XKR3: variants seen among roughly 807,000 people sequenced by gnomAD.
The protein encoded by XKR3 is XK-related protein 3.
In XKR3, 27 loss-of-function variants were observed where a neutral mutation model predicts 40.3. The observed-to-expected ratio is 0.67, with a 90% CI of 0.49 to 0.92. The LOEUF is 0.92. Among genes scored for constraint, XKR3 ranks in the 40% least tolerant of loss-of-function variants. The probability of loss-of-function intolerance (pLI) is 0.00; values close to 1 mark genes in which losing one functional copy is unlikely to be tolerated. For missense variants in XKR3, 472 were observed against 537.6 expected, an observed-to-expected ratio of 0.88 and a Z score of 1.21; for synonymous variants, 193 against 195.4, an observed-to-expected ratio of 0.99 and a Z score of 0.10.
At chr22:16,803,652 A>C (rs1474561046) in intron 2 of XKR3, among the ~76,000 whole-genome samples, 2 of 152,192 alleles carry the variant, frequency 1.3e-5, no homozygotes, top group Non-Finnish European at 2.9e-5. Flanking sequence ...AAATGCACGA[A>C]AACCAAAATG....
chr22:16,813,426 A>G (rs2060221236), intron 1 of XKR3, among the ~76,000 whole-genome samples: 1 of 152,204 alleles, frequency 6.6e-6, no homozygotes, highest in Admixed American at 6.5e-5. Flanking sequence ...CGAGATTTCT[A>G]TAACTGGCTT....
At chr22:16,798,436 A>G (rs1248061040) in intron 3 of XKR3, among the ~76,000 whole-genome samples, 1 of 152,214 alleles carries the variant, frequency 6.6e-6, no homozygotes, top group East Asian at 1.9e-4. Flanking sequence ...AATTTAATAC[A>G]GAGCTACCAT....
At chr22:16,789,913 A>G (rs2060106886) in intron 3 of XKR3, among the ~76,000 whole-genome samples, 1 of 152,190 alleles carries the variant, frequency 6.6e-6, no homozygotes, top group African/African-American at 2.4e-5. Context: ...TGGGAAAACA[A>G]GAGAGCTACA....
intron 3 of XKR3, among the ~76,000 whole-genome samples, chr22:16,785,179 T>C (rs1457044445): frequency 1.3e-5 from 2 of 152,024 alleles, no homozygotes; most frequent in African/African-American, 4.8e-5. Context: ...TAGCCGGGCG[T>C]AGTGGTGGGA....
At chr22:16,792,183 T>G (rs1424501994) in intron 3 of XKR3, among the ~76,000 whole-genome samples, 2 of 152,192 alleles carry the variant, frequency 1.3e-5, no homozygotes, top group Non-Finnish European at 2.9e-5. Flanking sequence ...TAACCTCATG[T>G]GATCCACCCA....
intron 1 of XKR3, among the ~76,000 whole-genome samples, chr22:16,824,345 A>G (rs1012990173): frequency 6.6e-6 from 1 of 152,192 alleles, no homozygotes; most frequent in Non-Finnish European, 1.5e-5. Context: ...CATTAGGGAT[A>G]AAATTTTAAG....
At chr22:16,799,632 A>C in intron 3 of XKR3, 139 bp downstream of exon 3, 1 of 986,300 alleles carries the variant, frequency 1.0e-6, no homozygotes, top group Non-Finnish European at 1.5e-6. Flanking sequence ...TAATCAAATA[A>C]ATTCATAGAA....
At chr22:16,797,336 C>G (rs2060145546) in intron 3 of XKR3, among the ~76,000 whole-genome samples, 1 of 152,082 alleles carries the variant, frequency 6.6e-6, no homozygotes, top group East Asian at 1.9e-4. Flanking sequence ...CCTAATTAAA[C>G]TAAAGGTTTT....
chr22:16,784,338 T>C lies in XKR3; in HGVS notation c.661A>G (p.Ile221Val). The C allele has an allele frequency of 1.2e-6, 2 of 1,614,142 alleles. No homozygotes were observed. The highest frequency in any genetic ancestry group is 1.1e-5 in the South Asian group (1 of 91,062). ...AIRCNILAIQ[I>V]SNDDTTIKLP... ...TTAATGGTAGTATCATCATTGCTGA[T>C]CTGGATGGCCAGTATATTGCAGCGA... Residue 221 changes from isoleucine to valine, a missense_variant, in exon 4 of 4, where the codon ATC becomes GTC. Ile to Val is a conservative substitution (Grantham distance 29, BLOSUM62 3). Coordinates refer to ENST00000684488, the MANE Select transcript of XKR3 (RefSeq NM_001386955.1).
chr22:16,823,416 CTGAT>C (rs772630511), intron 1 of XKR3, among the ~76,000 whole-genome samples: 2 of 152,146 alleles, frequency 1.3e-5, no homozygotes, highest in East Asian at 3.9e-4. Context: ...ACAGGACTCA[CTGAT>C]TAAGAGTATT....
chr22:16,811,777 G>A (rs1282637100), intron 1 of XKR3, among the ~76,000 whole-genome samples: 1 of 152,150 alleles, frequency 6.6e-6, no homozygotes, highest in African/African-American at 2.4e-5. Context: ...AGGAGGCTGA[G>A]GCAGCAGGAT....
At chr22:16,824,797 A>G (rs543523213) in intron 1 of XKR3, among the ~76,000 whole-genome samples, 2 of 152,280 alleles carry the variant, frequency 1.3e-5, no homozygotes, top group East Asian at 3.9e-4. Context: ...TTTCTGGAAA[A>G]CACTTATGAA....
In XKR3 at chr22:16,783,587, C is replaced by T; in HGVS notation, c.*32G>A. On this transcript the variant is annotated 3_prime_UTR_variant, in exon 4 of 4. Coordinates refer to ENST00000684488, the MANE Select transcript of XKR3 (RefSeq NM_001386955.1). ...TAACAAGTCACATTCAGCATCTTTA[C>T]TCATTGTTCTGTGAAAGTATATATG... is the stretch of plus-strand genomic sequence containing the variant. 6.8e-7 allele frequency: 1 copy of T among 1,479,504 alleles called. No individual in the cohort carries two copies. Among genetic ancestry groups the T allele is most frequent in the East Asian group, 2.3e-5 (1 of 44,040 alleles). The allele number at this position is 1,479,504 out of a possible 1,614,324, so 91.6% of individuals were successfully genotyped here. A position where few individuals can be genotyped will look rare whatever the true frequency, so the allele number is the denominator to read the frequency against.
Position 16,783,795 on chromosome 22 carries a change from G to C in XKR3, c.1204C>G (p.Pro402Ala). The C allele has an allele frequency of 3.7e-6, 6 of 1,614,022 alleles. No homozygotes were observed. The Admixed American group carries it at 8.3e-5, about 22-fold the overall frequency. Reference sequence around the variant, plus strand: ...GGCAACACTTTGCCTGACTGCCATGGGTACAAATACTGATAGAAGAGGAGC... The same window carrying C: ...GGCAACACTTTGCCTGACTGCCATGCGTACAAATACTGATAGAAGAGGAGC... ...FMLLFYQYLY[P>A]WQSGKVLPGR... Residue 402 changes from proline to alanine, a missense_variant, in exon 4 of 4, where the codon CCA becomes GCA. Transcript: ENST00000684488.
chr22:16,790,036 G>A (rs2060107390), intron 3 of XKR3, among the ~76,000 whole-genome samples: 1 of 152,146 alleles, frequency 6.6e-6, no homozygotes, highest in Non-Finnish European at 1.5e-5. Context: ...CTACTCTGGG[G>A]TCTGAGTCAG....
At chr22:16,807,599 G>C in intron 2 of XKR3, 140 bp downstream of exon 2, 1 of 853,716 alleles carries the variant, frequency 1.2e-6, no homozygotes, top group Non-Finnish European at 1.8e-6. Context: ...TTACGAAAGT[G>C]TGAAAACTAA....
intron 3 of XKR3, among the ~76,000 whole-genome samples, chr22:16,792,428 CTAG>C (rs2060124293): frequency 6.6e-6 from 1 of 152,168 alleles, no homozygotes; most frequent in African/African-American, 2.4e-5. Context: ...TGCCATGAAG[CTAG>C]TAGAACTTAT....
rs553348410 is a variant in XKR3, at chr22:16,814,662, A to T, written c.-10-6579T>A. Among the ~76,000 whole-genome samples, 3 of 152,240 alleles carry T rather than the reference A, an allele frequency of 2.0e-5. No individual in the cohort carries two copies. The East Asian group carries it at 5.8e-4, about 29-fold the overall frequency. On this transcript the variant is annotated intron_variant, in intron 1 of 3. Transcript: ENST00000684488. ...TGTCTTTCAACAATATTTTAGAGTT[A>T]TTAGATTATAATGTTTGCACATTTG...
At chr22:16,791,136 A>C (rs2060113977) in intron 3 of XKR3, among the ~76,000 whole-genome samples, 1 of 152,198 alleles carries the variant, frequency 6.6e-6, no homozygotes, top group South Asian at 2.1e-4. Flanking sequence ...TAGCCAAGAT[A>C]TAGAATCACC....
Sources: allele counts gnomAD v4.1 joint callset (sites outside exome capture counted in the v4.1 genomes callset), GRCh38; gene constraint gnomAD v4.1.1; transcripts MANE v1.5; gene names NCBI Gene and HGNC (gene_info 2026-07-23, HGNC 2026-07-21).